Variants in HPRT1 observed in about 807,000 individuals in gnomAD.
HPRT1 encodes the protein hypoxanthine-guanine phosphoribosyltransferase.
HPRT1 carries 4 observed loss-of-function variants against 19.0 expected under a neutral mutation model. That is an observed-to-expected ratio of 0.21 (90% CI 0.10 to 0.48). The LOEUF (loss-of-function observed/expected upper bound fraction) is 0.48, where lower values mean the gene tolerates loss of function less well. HPRT1 is among the 20% of genes least tolerant of loss of function. The pLI is 0.98. For synonymous variants in HPRT1, 53 were observed against 54.9 expected (o/e 0.97, Z 0.15); for missense variants, 65 against 164.0 (o/e 0.40, Z 3.30).
At chrX:134,472,914 G>A (rs1465101967) in intron 1 of HPRT1, among the ~76,000 whole-genome samples, 2 of 108,072 alleles carry the variant, frequency 1.9e-5, no homozygotes, top group African/African-American at 6.8e-5. Context: ...TTGAGACAGA[G>A]TCTTGCTCTG....
At chrX:134,482,396 C>G (rs774098133) in intron 3 of HPRT1, among the ~76,000 whole-genome samples, 47 of 112,092 alleles carry the variant, frequency 4.2e-4, no homozygotes, top group Non-Finnish European at 7.7e-4. Context: ...ACTCTTCAAT[C>G]TTTTCTATTA....
chrX:134,496,392 T>A (rs181163112), intron 6 of HPRT1, among the ~76,000 whole-genome samples: 2 of 112,064 alleles, frequency 1.8e-5, no homozygotes, highest in East Asian at 5.6e-4. Flanking sequence ...GGTTACCCAT[T>A]TACAGTATGG....
At chrX:134,493,760 TAAAG>T (rs2077673800) in intron 6 of HPRT1, among the ~76,000 whole-genome samples, 170 bp downstream of exon 6, 1 of 112,486 alleles carries the variant, frequency 8.9e-6, no homozygotes, top group African/African-American at 3.2e-5. Flanking sequence ...CATGTGTTAA[TAAAG>T]CTCATAATTA....
intron 8 of HPRT1, 127 bp from the exon 9 acceptor site, chrX:134,499,903 C>T (rs1232543541): frequency 1.0e-5 from 5 of 500,532 alleles, no homozygotes; most frequent in African/African-American, 7.1e-5. Flanking sequence ...ATCTAAAATA[C>T]AGTAGTACTA....
chrX:134,463,045 A>G (rs191049004), intron 1 of HPRT1, among the ~76,000 whole-genome samples: 38 of 112,092 alleles, frequency 3.4e-4, no homozygotes, highest in African/African-American at 1.1e-3. Context: ...GCGTTGAAGT[A>G]AATATTTTGC....
At chrX:134,477,403 T>TATATA (rs746868883) in intron 3 of HPRT1, among the ~76,000 whole-genome samples, 2 of 110,952 alleles carry the variant, frequency 1.8e-5, no homozygotes, top group Admixed American at 9.8e-5. Flanking sequence ...GGGTATATTT[T>TATATA]ATATAATATA....
At chrX:134,491,949 A>G (rs78924915) in intron 5 of HPRT1, among the ~76,000 whole-genome samples, 13,651 of 98,260 alleles carry the variant, frequency 0.14, 974 homozygotes, top group African/African-American at 0.23. Flanking sequence ...GTGTGTGTGT[A>G]TATATATATA....
chrX:134,498,541 A>G (rs2077687490), intron 7 of HPRT1, 67 bp from the exon 8 acceptor site: 3 of 973,185 alleles, frequency 3.1e-6, no homozygotes, highest in Non-Finnish European at 4.4e-6. Context: ...AGAGAGGCAC[A>G]TTTGCCAGTA....
In HPRT1 at chrX:134,466,377, C is replaced by T. The variant is rs571708322; in HGVS notation, c.27+6039C>T. ...AGGTTGCAGTGAGCCCAGATTGTGC[C>T]ACTGTACTCCAGCCTGGGTGACAGA... On this transcript the variant is annotated intron_variant, in intron 1 of 8. Coordinates refer to ENST00000298556, the MANE Select transcript of HPRT1 (RefSeq NM_000194.3). Among the ~76,000 whole-genome samples, 14 of 105,697 alleles carry T rather than the reference C, an allele frequency of 1.3e-4. No homozygotes were observed. In the South Asian group the frequency reaches 6.3e-3, roughly 47 times the overall value. 91.8% of individuals were successfully genotyped at this position (105,697 alleles called of 115,157 possible). A position where few individuals can be genotyped will look rare whatever the true frequency, so the allele number is the denominator to read the frequency against.
intron 5 of HPRT1, among the ~76,000 whole-genome samples, chrX:134,491,456 A>T (rs752252733): frequency 1.3e-4 from 14 of 111,525 alleles, no homozygotes; most frequent in African/African-American, 3.9e-4. Flanking sequence ...TGGATTTACT[A>T]CTTTGATAAA....
In HPRT1 at chrX:134,460,266, G is replaced by A. The variant is rs1452829474; in HGVS notation, c.-46G>A. 3 of 1,119,729 alleles carry A rather than the reference G, an allele frequency of 2.7e-6. No homozygotes were observed. In the Admixed American group the frequency reaches 8.1e-5, roughly 30 times the overall value. The allele number at this position is 1,119,729 out of a possible 1,213,427, so 92.3% of individuals were successfully genotyped here. A position where few individuals can be genotyped will look rare whatever the true frequency, so the allele number is the denominator to read the frequency against. ...CGCCTCCTCCTCTGCTCCGCCACCG[G>A]CTTCCTCCTCCTGAGCAGTCAGCCC... On this transcript the variant is annotated 5_prime_UTR_variant, in exon 1 of 9. Transcript: ENST00000298556.
intron 6 of HPRT1, among the ~76,000 whole-genome samples, 185 bp downstream of exon 6, chrX:134,493,775 C>T (rs190657479): frequency 8.1e-4 from 91 of 112,252 alleles, no homozygotes; most frequent in African/African-American, 2.8e-3. Flanking sequence ...CTCATAATTA[C>T]AGTCACTTCC....
intron 1 of HPRT1, among the ~76,000 whole-genome samples, chrX:134,468,525 G>A (rs752253326): frequency 4.3e-4 from 47 of 110,348 alleles, no homozygotes; most frequent in Admixed American, 1.5e-3. Flanking sequence ...TGAGGCTGAG[G>A]CAGGCAGATC....
At chrX:134,467,298 G>A (rs1030495789) in intron 1 of HPRT1, among the ~76,000 whole-genome samples, 2 of 111,737 alleles carry the variant, frequency 1.8e-5, no homozygotes, top group East Asian at 5.6e-4. Flanking sequence ...TGATCCACCC[G>A]CCTCAGCCTC....
At chrX:134,467,153 C>T (rs1292959307) in intron 1 of HPRT1, among the ~76,000 whole-genome samples, 2 of 103,198 alleles carry the variant, frequency 1.9e-5, no homozygotes, top group African/African-American at 3.6e-5. Context: ...TAGGTTCAAG[C>T]GATTCTCCTG....
intron 4 of HPRT1, 33 bp from the exon 5 acceptor site, chrX:134,490,155 T>C: frequency 1.0e-6 from 1 of 957,615 alleles, no homozygotes; most frequent in Non-Finnish European, 1.5e-6. Flanking sequence ...GTTTTATTCA[T>C]TGTACTGATT....
chrX:134,473,321 G>A (rs762134951), intron 1 of HPRT1, 38 bp from the exon 2 acceptor site: 3 of 805,284 alleles, frequency 3.7e-6, no homozygotes, highest in South Asian at 2.0e-5. Context: ...TTTGTATCCT[G>A]TAATGCTCTC....
At chrX:134,474,113 T>C (rs1234328977) in intron 2 of HPRT1, among the ~76,000 whole-genome samples, 2 of 111,867 alleles carry the variant, frequency 1.8e-5, no homozygotes, top group Admixed American at 1.9e-4. Flanking sequence ...TGGACACTTT[T>C]AATATTAGTG....
chrX:134,491,148 C>A (rs1244826081), intron 5 of HPRT1, among the ~76,000 whole-genome samples: 1 of 108,187 alleles, frequency 9.2e-6, no homozygotes, highest in African/African-American at 3.4e-5. Context: ...ACAAAGAAAC[C>A]CAATCCCCTT....
Sources: gnomAD v4.1 joint callset for allele counts (sites outside exome capture counted in the v4.1 genomes callset) on GRCh38, gnomAD v4.1.1 for gene constraint, MANE v1.5 for transcripts, NCBI Gene and HGNC (gene_info 2026-07-23, HGNC 2026-07-21) for gene names.